Variants in KHK observed in about 807,000 individuals in gnomAD.
KHK encodes fructokinase.
Under a neutral mutation model 36.0 loss-of-function variants are expected in KHK, and 37 were observed. The ratio of observed to expected loss-of-function variants is 1.03; its 90% CI spans 0.79 to 1.35. The LOEUF (loss-of-function observed/expected upper bound fraction) is 1.35, where lower values mean the gene tolerates loss of function less well. Among genes scored for constraint, KHK ranks in the 40% most tolerant of loss-of-function variants. The pLI is 0.00. For missense variants in KHK, 395 were observed against 391.9 expected (o/e 1.01, Z -0.07); for synonymous variants, 161 against 162.8 (o/e 0.99, Z 0.08).
At chr2:27,090,140 C>A (rs933039075) in intron 1 of KHK, among the ~76,000 whole-genome samples, 1 of 152,252 alleles carries the variant, frequency 6.6e-6, no homozygotes. Flanking sequence ...GCGTGAGCCA[C>A]CGCGCCCAGC....
At position 27,092,347 on chromosome 2, in the gene KHK, A is replaced by G. The variant is rs1272384716; in HGVS notation, c.108A>G (p.Arg36=). 1.2e-6 allele frequency: 2 copies of G among 1,613,042 alleles called. No homozygotes were observed. Among genetic ancestry groups the G allele is most frequent in the Admixed American group, 3.3e-5 (2 of 60,024 alleles). The change falls in exon 2 of 8, where the codon AGA becomes AGG. Residue 36 remains arginine (R), a synonymous_variant. Coordinates refer to ENST00000260598, the MANE Select transcript of KHK (RefSeq NM_006488.3). ...TGCTTTGCAGGTGTTTGTCCCAGAG[A>G]TGGCAGCGCGGAGGCAACGCGTCCA... ...EDSEIRCLSQ[R]WQRGGNASNS... is the part of the protein sequence containing the mutation.
At chr2:27,093,516 T>G (rs1670136522) in intron 2 of KHK, among the ~76,000 whole-genome samples, 1 of 152,228 alleles carries the variant, frequency 6.6e-6, no homozygotes, top group Non-Finnish European at 1.5e-5. Context: ...GTGCGAAAGT[T>G]ATTTGGCAAA....
chr2:27,097,363 G>A (rs1670419781), intron 4 of KHK, 140 bp from the exon 5 acceptor site: 1 of 1,011,334 alleles, frequency 9.9e-7, no homozygotes, highest in Non-Finnish European at 1.5e-6. Context: ...AGCTCTGAAT[G>A]TTGTAATTTA....
intron 3 of KHK, 74 bp downstream of exon 3, chr2:27,095,008 T>C (rs1020429959): frequency 2.0e-5 from 32 of 1,561,320 alleles, no homozygotes; most frequent in Non-Finnish European, 2.7e-5. Context: ...CTCGCCACCA[T>C]GGGCATCCCA....
chr2:27,091,254 A>T (rs1238476380), intron 1 of KHK, among the ~76,000 whole-genome samples: 14 of 141,360 alleles, frequency 9.9e-5, no homozygotes, highest in African/African-American at 2.6e-5. Context: ...CTAATTTTTA[A>T]TTTTTTTTTT....
Position 27,087,161 on chromosome 2 carries a change from AG to A in KHK, c.-96del. 9.8e-7 allele frequency: 1 copy of A among 1,019,302 alleles called. No homozygotes were observed. Among genetic ancestry groups the A allele is most frequent in the Non-Finnish European group, 1.5e-6 (1 of 675,626 alleles). 63.1% of individuals were successfully genotyped at this position (1,019,302 alleles called of 1,614,324 possible). On this transcript the variant is annotated 5_prime_UTR_variant, in exon 1 of 8. Transcript: ENST00000260598. ...GGAGCTCCCACGCGGAGGAGGAGCC[AG>A]GGCAGCTGGGAGCGGGGACACCATC...
rs1448485486 is a variant in KHK, at chr2:27,099,195, G to A, written c.565-1G>A. The A allele has an allele frequency of 6.2e-7, 1 of 1,614,022 alleles. No homozygotes were observed. The highest frequency in any genetic ancestry group is 8.5e-7 in the Non-Finnish European group (1 of 1,180,016). Reference sequence around the variant, plus strand: ...ACCAGCTTCTCTTCCACTGCCCACAGGTGTTTGTCAGCAAAGATGTGGCCA... The same window carrying A: ...ACCAGCTTCTCTTCCACTGCCCACAAGTGTTTGTCAGCAAAGATGTGGCCA... On this transcript the variant is annotated splice_acceptor_variant, in intron 5 of 7. Transcript: ENST00000260598. LOFTEE classifies it high-confidence loss of function.
intron 5 of KHK, among the ~76,000 whole-genome samples, chr2:27,098,349 C>T (rs1670531268): frequency 6.6e-6 from 1 of 151,886 alleles, no homozygotes. Context: ...AGCAAGACCC[C>T]TGTCTCTATG....
At chr2:27,093,435 G>A (rs1670130622) in intron 2 of KHK, among the ~76,000 whole-genome samples, 1 of 152,256 alleles carries the variant, frequency 6.6e-6, no homozygotes, top group Non-Finnish European at 1.5e-5. Flanking sequence ...GCCAATGGGT[G>A]GTTTATTCAG....
At chr2:27,090,079 C>T (rs935746245) in intron 1 of KHK, among the ~76,000 whole-genome samples, 3 of 152,132 alleles carry the variant, frequency 2.0e-5, no homozygotes, top group African/African-American at 7.2e-5. Context: ...CTCGAACTCC[C>T]GACGTCAGGC....
intron 3 of KHK, among the ~76,000 whole-genome samples, chr2:27,095,664 C>A (rs1670290272): frequency 6.6e-6 from 1 of 152,224 alleles, no homozygotes; most frequent in African/African-American, 2.4e-5. Flanking sequence ...GTACTAAGAA[C>A]CTAGTACGTG....
Position 27,099,981 on chromosome 2 carries a change from C to T in KHK, c.*231C>T. The T allele has an allele frequency of 5.6e-6, 5 of 892,860 alleles. No homozygotes were observed. The highest frequency in any genetic ancestry group is 3.0e-5 in the South Asian group (2 of 66,278). 55.3% of individuals were successfully genotyped at this position (892,860 alleles called of 1,614,324 possible). A position where few individuals can be genotyped will look rare whatever the true frequency, so the allele number is the denominator to read the frequency against. ...CTTCCTCAGAGCCAGCTTCTCCTCT[C>T]AATGTCTGAACTGCTCTGGCTGGGC... On this transcript the variant is annotated 3_prime_UTR_variant, in exon 8 of 8. Transcript: ENST00000260598.
Position 27,097,495 on chromosome 2 carries a change from T to C in KHK, c.418-8T>C, listed in dbSNP as rs1258350246. On this transcript the variant is annotated splice_region_variant and splice_polypyrimidine_tract_variant and intron_variant, in intron 4 of 7. Coordinates refer to ENST00000260598, the MANE Select transcript of KHK (RefSeq NM_006488.3). ...CCAGCGGTCCTGAGCTGCCCTGTCC[T>C]GTACCAGGGCCGGAACGCATCGGAG... 3.1e-6 allele frequency: 5 copies of C among 1,613,238 alleles called. No homozygotes were observed. Among genetic ancestry groups the C allele is most frequent in the Non-Finnish European group, 4.2e-6 (5 of 1,180,022 alleles).
rs201995559 is a variant in KHK, at chr2:27,094,496, C to T, written c.210-304C>T. 1.3e-4 allele frequency: 211 copies of T among 1,613,854 alleles called. No individual in the cohort carries two copies. Among genetic ancestry groups the T allele is most frequent in the Middle Eastern group, 1.7e-4 (1 of 5,976 alleles). On this transcript the variant is annotated intron_variant, in intron 2 of 7. Transcript: ENST00000260598. ...TAGCAGTTTTGTCCTGGATGACCTC[C>T]GCCGCTATTCTGTGGACCTACGCTA...
intron 2 of KHK, 138 bp downstream of exon 2, chr2:27,092,586 A>G (rs1238039198): frequency 1.0e-5 from 7 of 699,478 alleles, no homozygotes; most frequent in African/African-American, 1.7e-5. Flanking sequence ...GGCATGGCGG[A>G]GCACCAGACG....
intron 1 of KHK, among the ~76,000 whole-genome samples, chr2:27,090,432 C>CTT (rs200516077): frequency 7.3e-6 from 1 of 137,350 alleles, no homozygotes; most frequent in Admixed American, 7.3e-5. Flanking sequence ...GCTTGAAAAT[C>CTT]TTTTTTTTCT....
intron 1 of KHK, among the ~76,000 whole-genome samples, chr2:27,090,453 T>TC (rs11369867): frequency 6.4e-5 from 2 of 31,262 alleles, no homozygotes; most frequent in Non-Finnish European, 1.9e-4. Flanking sequence ...TTTTTCTTTC[T>TC]TTTTTTTTTT....
At position 27,098,934 on chromosome 2, in the gene KHK, C is replaced by G. The variant is rs1056843882; in HGVS notation, c.565-262C>G. The G allele has an allele frequency of 8.0e-5, 37 of 465,216 alleles. 1 individual carries two copies. In the Middle Eastern group the frequency reaches 2.5e-3, roughly 31 times the overall value. The allele number at this position is 465,216 out of a possible 1,614,324, so 28.8% of individuals were successfully genotyped here. On this transcript the variant is annotated intron_variant, in intron 5 of 7. Coordinates refer to ENST00000260598, the MANE Select transcript of KHK (RefSeq NM_006488.3). ...ATGCTTCTGGCCAGGTGCAGTGACT[C>G]ACACCTGTAATCCCAGAAATTTTGG...
At position 27,100,397 on chromosome 2, in the gene KHK, T is replaced by C; in HGVS notation, c.*647T>C. The C allele has an allele frequency of 7.8e-7, 1 of 1,279,452 alleles. No individual in the cohort carries two copies. The highest frequency in any genetic ancestry group is 1.2e-5 in the South Asian group (1 of 80,788). The allele number at this position is 1,279,452 out of a possible 1,614,324, so 79.3% of individuals were successfully genotyped here. Reference sequence around the variant, plus strand: ...CGCTGACTGCCCCAGAGCCTGAAAGTCTCACCCTTGGAGCCCACCTTGGAA... The same window carrying C: ...CGCTGACTGCCCCAGAGCCTGAAAGCCTCACCCTTGGAGCCCACCTTGGAA... On this transcript the variant is annotated 3_prime_UTR_variant, in exon 8 of 8. Transcript: ENST00000260598.
Sources: gnomAD v4.1 joint callset for allele counts (sites outside exome capture counted in the v4.1 genomes callset) on GRCh38, gnomAD v4.1.1 for gene constraint, MANE v1.5 for transcripts, NCBI Gene and HGNC (gene_info 2026-07-23, HGNC 2026-07-21) for gene names.